The following CDH22 variants were observed in gnomAD, a reference collection of about 807,000 sequenced individuals.
CDH22 encodes cadherin-22.
Under a neutral mutation model 58.4 loss-of-function variants are expected in CDH22, and 30 were observed. The observed-to-expected ratio is 0.51, with a 90% CI of 0.38 to 0.70. The LOEUF (loss-of-function observed/expected upper bound fraction) is 0.70, where lower values mean the gene tolerates loss of function less well. Ranked by LOEUF, CDH22 falls within the 30% of genes least tolerant of loss-of-function variation. The probability of loss-of-function intolerance (pLI) is 0.00; values close to 1 mark genes in which losing one functional copy is unlikely to be tolerated. For missense variants in CDH22, 1,014 were observed against 1,233.9 expected, an observed-to-expected ratio of 0.82 and a Z score of 2.67; for synonymous variants, 513 against 558.2, an observed-to-expected ratio of 0.92 and a Z score of 1.14.
chr20:46,181,554 C>T (rs375669721), intron 10 of CDH22, among the ~76,000 whole-genome samples: 1 of 151,812 alleles, frequency 6.6e-6, no homozygotes, highest in African/African-American at 2.4e-5. Flanking sequence ...GCCTGGGAGG[C>T]TGTGGTAAGG....
At chr20:46,281,435 C>T (rs906099602) in intron 1 of CDH22, among the ~76,000 whole-genome samples, 1 of 139,420 alleles carries the variant, frequency 7.2e-6, no homozygotes, top group South Asian at 2.5e-4. Flanking sequence ...TATATGAGGA[C>T]GTGTTTTGTA....
At chr20:46,195,345 CT>C (rs939364226) in intron 8 of CDH22, among the ~76,000 whole-genome samples, 2 of 152,228 alleles carry the variant, frequency 1.3e-5, no homozygotes, top group Non-Finnish European at 2.9e-5. Flanking sequence ...GAAGAGCGAT[CT>C]TCACTGAATA....
At chr20:46,278,136 C>G (rs1221721336) in intron 1 of CDH22, among the ~76,000 whole-genome samples, 1 of 152,060 alleles carries the variant, frequency 6.6e-6, no homozygotes, top group Non-Finnish European at 1.5e-5. Flanking sequence ...GAGCTGGGAA[C>G]AGAACCCAGG....
chr20:46,307,834 G>T (rs1176417619), intron 1 of CDH22, among the ~76,000 whole-genome samples: 1 of 151,978 alleles, frequency 6.6e-6, no homozygotes, highest in African/African-American at 2.4e-5. Flanking sequence ...TTGGGGGACC[G>T]GGAACGCCTG....
intron 3 of CDH22, among the ~76,000 whole-genome samples, chr20:46,234,161 G>A (rs1355933195): frequency 7.2e-5 from 11 of 152,204 alleles, no homozygotes; most frequent in Non-Finnish European, 1.5e-4. Context: ...TTCCATAGCT[G>A]TAAAATGGGG....
chr20:46,174,830 G>C lies in CDH22; in HGVS notation c.2163C>G (p.Pro721=). The C allele has an allele frequency of 7.2e-7, 1 of 1,389,696 alleles. No homozygotes were observed. The allele number at this position is 1,389,696 out of a possible 1,614,324, so 86.1% of individuals were successfully genotyped here. A position where few individuals can be genotyped will look rare whatever the true frequency, so the allele number is the denominator to read the frequency against. ...GCTCGGAGGGCAGGTGGGCCTGCGGGGGGCTGCCCGCGCCCCCGCCCGAGC... is the reference window on the plus strand; with the variant it reads ...GCTCGGAGGGCAGGTGGGCCTGCGGCGGGCTGCCCGCGCCCCCGCCCGAGC... ...GGGSGGGAGS[P]PQAHLPSERH... is the part of the protein sequence containing the mutation. Residue 721 remains proline, a synonymous_variant, in exon 12 of 12, where the codon CCC becomes CCG. Coordinates refer to ENST00000537909, the MANE Select transcript of CDH22 (RefSeq NM_021248.3). The surrounding 1 kb of genome is among the most constrained non-coding windows in gnomAD (Gnocchi z 4.4).
chr20:46,246,730 T>G (rs2086331998), intron 2 of CDH22, among the ~76,000 whole-genome samples: 1 of 152,030 alleles, frequency 6.6e-6, no homozygotes, highest in Non-Finnish European at 1.5e-5. Context: ...TAAAATAGGT[T>G]ACCGTCGGGC....
At chr20:46,282,089 C>A (rs2086553490) in intron 1 of CDH22, among the ~76,000 whole-genome samples, 1 of 152,102 alleles carries the variant, frequency 6.6e-6, no homozygotes, top group South Asian at 2.1e-4. Flanking sequence ...CTTTTTGTCC[C>A]CAAAGATACC....
chr20:46,173,810 G>A lies in CDH22; in HGVS notation c.*696C>T, dbSNP rs1346390677. The A allele has an allele frequency of 6.6e-6, 1 of 152,306 alleles. No individual in the cohort carries two copies. Among genetic ancestry groups the A allele is most frequent in the African/African-American group, 2.4e-5 (1 of 41,444 alleles). 9.4% of individuals were successfully genotyped at this position (152,306 alleles called of 1,614,324 possible). On this transcript the variant is annotated 3_prime_UTR_variant, in exon 12 of 12. Coordinates refer to ENST00000537909, the MANE Select transcript of CDH22 (RefSeq NM_021248.3). Reference sequence around the variant, plus strand: ...ACTGTCCTAACCACTTGACACATATGAACCCTTTTTAGCCTCACAACTCTT... The same window carrying A: ...ACTGTCCTAACCACTTGACACATATAAACCCTTTTTAGCCTCACAACTCTT...
intron 3 of CDH22, 93 bp from the exon 4 acceptor site, chr20:46,227,720 G>C (rs1014081349): frequency 6.7e-7 from 1 of 1,499,374 alleles, no homozygotes; most frequent in Non-Finnish European, 8.9e-7. Context: ...TGGGAGAGGA[G>C]ACCCTCGGGA....
At position 46,251,419 on chromosome 20, in the gene CDH22, C is replaced by T; in HGVS notation, c.-125G>A. 3 of 1,149,996 alleles carry T rather than the reference C, an allele frequency of 2.6e-6. No homozygotes were observed. Among genetic ancestry groups the T allele is most frequent in the Non-Finnish European group, 3.4e-6 (3 of 891,628 alleles). The allele number at this position is 1,149,996 out of a possible 1,614,324, so 71.2% of individuals were successfully genotyped here. On this transcript the variant is annotated 5_prime_UTR_variant, in exon 2 of 12. Coordinates refer to ENST00000537909, the MANE Select transcript of CDH22 (RefSeq NM_021248.3). The surrounding 1 kb of genome is among the most constrained non-coding windows in gnomAD (Gnocchi z 6.7). The stretch of plus-strand genomic sequence containing the variant: ...CCTCAGCGCGGCCGCCGGGATGTCG[C>T]CCCCGACGGGGCACCCGGACGGGCC...
intron 10 of CDH22, among the ~76,000 whole-genome samples, chr20:46,183,616 G>A (rs571037556): frequency 6.6e-6 from 1 of 152,160 alleles, no homozygotes; most frequent in African/African-American, 2.4e-5. Context: ...TATTTTTAAA[G>A]AGATGGGTTT....
intron 2 of CDH22, among the ~76,000 whole-genome samples, chr20:46,243,233 A>G (rs1348136826): frequency 6.6e-6 from 1 of 152,258 alleles, no homozygotes; most frequent in East Asian, 1.9e-4. Context: ...GAGCCGGGGT[A>G]TAAATTCTGC....
At chr20:46,214,576 C>T (rs905647561) in intron 5 of CDH22, among the ~76,000 whole-genome samples, 7 of 152,200 alleles carry the variant, frequency 4.6e-5, no homozygotes, top group Non-Finnish European at 7.3e-5. Flanking sequence ...GCCTCATCCT[C>T]CAATCCCCAC....
intron 2 of CDH22, among the ~76,000 whole-genome samples, chr20:46,248,165 AG>A (rs2086344170): frequency 6.6e-6 from 1 of 152,182 alleles, no homozygotes; most frequent in African/African-American, 2.4e-5. Context: ...AGGGAGCTAC[AG>A]GGCCCTCCCC....
intron 1 of CDH22, among the ~76,000 whole-genome samples, chr20:46,256,047 T>G (rs3888728): frequency 0.07 from 10,617 of 152,274 alleles, 1,121 homozygotes; most frequent in African/African-American, 0.23. Flanking sequence ...GGCCTACATA[T>G]ATGCCTATGG....
chr20:46,193,441 C>A (rs1402282523), intron 8 of CDH22, among the ~76,000 whole-genome samples: 1 of 152,168 alleles, frequency 6.6e-6, no homozygotes, highest in Admixed American at 6.5e-5. Context: ...GCCTGACAGC[C>A]TCCCATATGT....
intron 4 of CDH22, among the ~76,000 whole-genome samples, chr20:46,223,376 C>A (rs2086140063): frequency 6.6e-6 from 1 of 152,170 alleles, no homozygotes; most frequent in African/African-American, 2.4e-5. Context: ...TTCTTCTCCC[C>A]ATCTCCCCAA....
chr20:46,306,495 A>G (rs912747579), intron 1 of CDH22, among the ~76,000 whole-genome samples: 1 of 152,210 alleles, frequency 6.6e-6, no homozygotes, highest in Non-Finnish European at 1.5e-5. Flanking sequence ...TTTATAAAGT[A>G]CCTGCCCCCG....
Sources: allele counts gnomAD v4.1 joint callset (sites outside exome capture counted in the v4.1 genomes callset), GRCh38; gene constraint gnomAD v4.1.1; non-coding constraint Gnocchi (gnomAD v3.1); transcripts MANE v1.5; gene names NCBI Gene and HGNC (gene_info 2026-07-23, HGNC 2026-07-21).